RARB: variants seen among roughly 807,000 people sequenced by gnomAD.
RARB encodes the protein retinoic acid receptor beta.
RARB carries 17 observed loss-of-function variants against 51.9 expected under a neutral mutation model. The observed-to-expected ratio is 0.33, with a 90% CI of 0.22 to 0.49. The LOEUF (loss-of-function observed/expected upper bound fraction) is 0.49, where lower values mean the gene tolerates loss of function less well. RARB is among the 20% of genes least tolerant of loss of function. The pLI is 0.99. For synonymous variants in RARB, 215 were observed against 195.4 expected (o/e 1.10, Z -0.84); for missense variants, 369 against 550.8 (o/e 0.67, Z 3.30).
Position 24,925,480 on chromosome 3 carries a change from A to G in RARB, c.-380+66728A>G, listed in dbSNP as rs75449980. 7.3e-3 allele frequency among the ~76,000 whole-genome samples: 1,109 copies of G among 151,802 alleles called. 16 individuals carry two copies. The highest frequency in any genetic ancestry group is 0.041 in the East Asian group (212 of 5,114). On this transcript the variant is annotated intron_variant, in intron 2 of 11. Transcript: ENST00000383772. ...AAATACGGCAAAACCCTGTCTCTAC[A>G]ATAAATACAAAATTTAGCTGGGCAT...
At chr3:24,911,265 C>G (rs572977858) in intron 2 of RARB, among the ~76,000 whole-genome samples, 6 of 152,142 alleles carry the variant, frequency 3.9e-5, no homozygotes, top group Admixed American at 6.6e-5. Flanking sequence ...AATGAACACA[C>G]AGACCTCCCA....
chr3:25,336,108 G>C (rs114202962), intron 5 of RARB, among the ~76,000 whole-genome samples: 1 of 149,184 alleles, frequency 6.7e-6, no homozygotes, highest in Non-Finnish European at 1.5e-5. Context: ...GTGATCTTAA[G>C]AGGAAAAAAG....
At chr3:25,236,610 T>G (rs565789240) in intron 5 of RARB, among the ~76,000 whole-genome samples, 2 of 152,228 alleles carry the variant, frequency 1.3e-5, no homozygotes, top group African/African-American at 4.8e-5. Flanking sequence ...CCCTTCACTA[T>G]GCACTTTAAT....
intron 1 of RARB, among the ~76,000 whole-genome samples, chr3:24,844,535 A>C (rs558443606): frequency 1.3e-5 from 2 of 152,342 alleles, no homozygotes; most frequent in Non-Finnish European, 2.9e-5. Flanking sequence ...ACTGGGGAGC[A>C]GATATTACCC....
At chr3:25,006,726 A>G (rs929646822) in intron 2 of RARB, among the ~76,000 whole-genome samples, 5 of 152,158 alleles carry the variant, frequency 3.3e-5, no homozygotes, top group Admixed American at 2.6e-4. Flanking sequence ...GATTTTGAAC[A>G]TGGGATTTTG....
At chr3:24,854,496 T>C (rs977476920) in intron 1 of RARB, among the ~76,000 whole-genome samples, 6 of 152,210 alleles carry the variant, frequency 3.9e-5, no homozygotes, top group Non-Finnish European at 4.4e-5. Flanking sequence ...GTGTTGGCCC[T>C]GGACCAATAG....
At chr3:25,140,824 A>G (rs1700096539) in intron 4 of RARB, among the ~76,000 whole-genome samples, 1 of 152,070 alleles carries the variant, frequency 6.6e-6, no homozygotes, top group African/African-American at 2.4e-5. Flanking sequence ...CCAATCCATC[A>G]GTAATCACTC....
chr3:25,003,357 C>A (rs1463438647), intron 2 of RARB, among the ~76,000 whole-genome samples: 2 of 152,064 alleles, frequency 1.3e-5, no homozygotes, highest in Admixed American at 6.6e-5. Flanking sequence ...GGACCGAATG[C>A]AAGTTATTAA....
rs987823207 is a variant in RARB, at chr3:25,501,165, T to G, written c.307-17T>G. On this transcript the variant is annotated splice_polypyrimidine_tract_variant and intron_variant, in intron 2 of 7. Coordinates refer to ENST00000330688, the MANE Select transcript of RARB (RefSeq NM_000965.5). Reference sequence around the variant, plus strand: ...ATTTGCTTTACTGAGTTTTTTCATCTTCTTGCTTGCTTGCAGGGCTTTTTC... The same window carrying G: ...ATTTGCTTTACTGAGTTTTTTCATCGTCTTGCTTGCTTGCAGGGCTTTTTC... The G allele has an allele frequency of 3.8e-6, 6 of 1,567,104 alleles. No homozygotes were observed. The highest frequency in any genetic ancestry group is 5.2e-6 in the Non-Finnish European group (6 of 1,163,460).
chr3:24,860,442 C>T lies in RARB; in HGVS notation c.-380+1690C>T, dbSNP rs952735006. Among the ~76,000 whole-genome samples the T allele has an allele frequency of 2.6e-5, 4 of 152,256 alleles. No individual in the cohort carries two copies. The East Asian group carries it at 7.7e-4, about 29-fold the overall frequency. On this transcript the variant is annotated intron_variant, in intron 2 of 11. Coordinates refer to the RARB transcript ENST00000383772. ...ATTTGGCAGAAGGTTTCTTTACATT[C>T]TGCTTTTATTGCTTCTCTGTGATTA...
At chr3:25,331,861 G>T (rs567674493) in intron 5 of RARB, among the ~76,000 whole-genome samples, 5 of 152,282 alleles carry the variant, frequency 3.3e-5, no homozygotes, top group African/African-American at 1.2e-4. Flanking sequence ...CGATCCCACA[G>T]AAATACAAAC....
chr3:25,273,162 C>A (rs77934714), intron 5 of RARB, among the ~76,000 whole-genome samples: 1 of 152,056 alleles, frequency 6.6e-6, no homozygotes, highest in Non-Finnish European at 1.5e-5. Context: ...TAGAGTCCAG[C>A]GGAATATTTA....
rs568660201 is a variant in RARB, at chr3:25,545,598, G to T, written c.449-24160G>T. ...TGCGGTTGGCATTGCTCTGAGTAGCGGGTAAAGCCTTGGGGCCAGGGCTGT... is the reference window on the plus strand; with the variant it reads ...TGCGGTTGGCATTGCTCTGAGTAGCTGGTAAAGCCTTGGGGCCAGGGCTGT... On this transcript the variant is annotated intron_variant, in intron 3 of 7. Coordinates refer to ENST00000330688, the MANE Select transcript of RARB (RefSeq NM_000965.5). Among the ~76,000 whole-genome samples the T allele has an allele frequency of 1.3e-4, 20 of 152,228 alleles. No individual in the cohort carries two copies. In the South Asian group the frequency reaches 2.1e-3, roughly 16 times the overall value.
In RARB at chr3:25,447,840, A is replaced by C. The variant is rs1283392471; in HGVS notation, c.158-13353A>C. Among the ~76,000 whole-genome samples, 3 of 152,118 alleles carry C rather than the reference A, an allele frequency of 2.0e-5. No individual in the cohort carries two copies. The East Asian group carries it at 5.8e-4, about 29-fold the overall frequency. On this transcript the variant is annotated intron_variant, in intron 1 of 7. Coordinates refer to ENST00000330688, the MANE Select transcript of RARB (RefSeq NM_000965.5). ...TAGAGAATCTCTTAGGTACATCAGA[A>C]GGGAAAATTATTTTGAGAGGGAAAA...
chr3:25,229,037 C>T (rs1430379082), intron 5 of RARB, among the ~76,000 whole-genome samples: 2 of 152,122 alleles, frequency 1.3e-5, no homozygotes, highest in Non-Finnish European at 2.9e-5. Context: ...TCAGTCTTCA[C>T]TCTTCTAAGG....
rs1706161924 is a variant in RARB, at chr3:25,367,636, T to TA, written c.179-93552dup. On this transcript the variant is annotated intron_variant, in intron 5 of 11. Coordinates refer to the RARB transcript ENST00000383772. ...TTCGAGACCAGCCTAAGCAACATGG[T>TA]AAAAACCCATCTCTATAAAAAAAAA... Among the ~76,000 whole-genome samples the TA allele has an allele frequency of 2.3e-5, 3 of 131,648 alleles. No individual in the cohort carries two copies. The South Asian group carries it at 7.7e-4, about 34-fold the overall frequency. 86.4% of individuals were successfully genotyped at this position (131,648 alleles called of 152,430 possible). A position where few individuals can be genotyped will look rare whatever the true frequency, so the allele number is the denominator to read the frequency against.
chr3:25,459,986 C>A (rs1695093333), intron 1 of RARB, among the ~76,000 whole-genome samples: 1 of 152,136 alleles, frequency 6.6e-6, no homozygotes, highest in Non-Finnish European at 1.5e-5. Flanking sequence ...TAGGAGAACA[C>A]CCCGTTCTTA....
chr3:25,031,773 A>T (rs756744993), intron 2 of RARB, among the ~76,000 whole-genome samples: 24 of 152,210 alleles, frequency 1.6e-4, no homozygotes, highest in Non-Finnish European at 2.9e-4. Flanking sequence ...GTGAAAACTA[A>T]AAAGGGCAGT....
At chr3:25,396,482 C>G (rs1707117465) in intron 5 of RARB, among the ~76,000 whole-genome samples, 1 of 152,170 alleles carries the variant, frequency 6.6e-6, no homozygotes, top group Admixed American at 6.5e-5. Flanking sequence ...TGGCCTCCAG[C>G]CAGTTGGTGG....
Sources: allele counts gnomAD v4.1 joint callset (sites outside exome capture counted in the v4.1 genomes callset), GRCh38; gene constraint gnomAD v4.1.1; transcripts MANE v1.5; gene names NCBI Gene and HGNC (gene_info 2026-07-23, HGNC 2026-07-21).